BMP3: variants seen among roughly 807,000 people sequenced by gnomAD.
BMP3 encodes the protein bone morphogenetic protein 3 (osteogenic).
In BMP3, 23 loss-of-function variants were observed where a neutral mutation model predicts 38.1. That is an observed-to-expected ratio of 0.60 (90% confidence interval 0.43 to 0.86). The LOEUF is 0.86. Ranked by LOEUF, BMP3 falls within the 40% of genes least tolerant of loss-of-function variation. The probability of loss-of-function intolerance (pLI) is 0.00; values close to 1 mark genes in which losing one functional copy is unlikely to be tolerated. For missense variants in BMP3, 628 were observed against 579.6 expected, an observed-to-expected ratio of 1.08 and a Z score of -0.86; for synonymous variants, 258 against 225.7, an observed-to-expected ratio of 1.14 and a Z score of -1.28.
At chr4:81,051,081 C>T (rs1469046566) in intron 2 of BMP3, among the ~76,000 whole-genome samples, 1 of 151,848 alleles carries the variant, frequency 6.6e-6, no homozygotes, top group East Asian at 1.9e-4. Flanking sequence ...TACACCAATG[C>T]AGAATCAGGG....
rs1305539971 is a variant in BMP3, at chr4:81,045,636, A to G, written c.317-102A>G. 6.9e-6 allele frequency: 7 copies of G among 1,008,350 alleles called. No homozygotes were observed. The East Asian group carries it at 1.9e-4, about 27-fold the overall frequency. 62.5% of individuals were successfully genotyped at this position (1,008,350 alleles called of 1,614,324 possible). A position where few individuals can be genotyped will look rare whatever the true frequency, so the allele number is the denominator to read the frequency against. On this transcript the variant is annotated intron_variant, in intron 1 of 2. Coordinates refer to ENST00000282701, the MANE Select transcript of BMP3 (RefSeq NM_001201.5). ...TTCTTTCCAAAAATTTCATGGATTT[A>G]GTTCTTATATATAGGTTTCTGATTC...
intron 1 of BMP3, among the ~76,000 whole-genome samples, 191 bp from the exon 2 acceptor site, chr4:81,045,547 A>C (rs1190802111): frequency 6.6e-6 from 1 of 152,192 alleles, no homozygotes; most frequent in Non-Finnish European, 1.5e-5. Context: ...TGTCATATCT[A>C]AGAATGGCTT....
In BMP3 at chr4:81,046,771, T is replaced by C. The variant is rs10516737; in HGVS notation, c.1227+123T>C. The C allele has an allele frequency of 0.011, 12,009 of 1,080,868 alleles. 838 individuals are homozygous for C. The African/African-American group carries it at 0.16, about 14-fold the overall frequency. The allele number at this position is 1,080,868 out of a possible 1,614,324, so 67.0% of individuals were successfully genotyped here. On this transcript the variant is annotated intron_variant, in intron 2 of 2. Transcript: ENST00000282701. ...TTTGTGTTTCCATTTGCAAAATCCA[T>C]TGGGACCCTTATTTACTACATTCTA...
Position 81,045,933 on chromosome 4 carries a change from A to G in BMP3, c.512A>G (p.Lys171Arg), listed in dbSNP as rs752114160. 2 of 1,614,084 alleles carry G rather than the reference A, an allele frequency of 1.2e-6. No homozygotes were observed. The highest frequency in any genetic ancestry group is 1.1e-5 in the South Asian group (1 of 91,062). ...IQIDLSAWTL[K>R]FSRNQSQLLG... Reference sequence around the variant, plus strand: ...ATTGATCTTTCTGCATGGACCCTCAAATTCAGCAGAAACCAAAGTCAACTC... The same window carrying G: ...ATTGATCTTTCTGCATGGACCCTCAGATTCAGCAGAAACCAAAGTCAACTC... The change falls in exon 2 of 3, where the codon AAA becomes AGA. Residue 171 changes from lysine to arginine, a missense_variant. Lys to Arg is a conservative substitution (Grantham distance 26, BLOSUM62 2). Transcript: ENST00000282701.
chr4:81,031,491 G>T lies in BMP3; in HGVS notation c.207G>T (p.Thr69=), dbSNP rs1197133447. The T allele has an allele frequency of 1.9e-6, 3 of 1,612,870 alleles. No individual in the cohort carries two copies. The South Asian group carries it at 3.3e-5, about 18-fold the overall frequency. The change falls in exon 1 of 3, where the codon ACG becomes ACT. Residue 69 remains threonine, a synonymous_variant. Coordinates refer to ENST00000282701, the MANE Select transcript of BMP3 (RefSeq NM_001201.5). ...HMLRLYDRYS[T]VQAARTPGSL... is the part of the protein sequence containing the mutation. ...TGCGGCTCTATGACAGGTACAGCAC[G>T]GTCCAGGCGGCCCGGACACCGGGCT...
chr4:81,039,967 T>C (rs1298349649), intron 1 of BMP3, among the ~76,000 whole-genome samples: 1 of 152,076 alleles, frequency 6.6e-6, no homozygotes, highest in African/African-American at 2.4e-5. Context: ...CTGCCTTGCC[T>C]TAAAAAACAA....
At position 81,031,440 on chromosome 4, in the gene BMP3, G is replaced by A. The variant is rs1378061849; in HGVS notation, c.156G>A (p.Pro52=). 1.2e-6 allele frequency: 2 copies of A among 1,613,748 alleles called. No homozygotes were observed. Among genetic ancestry groups the A allele is most frequent in the South Asian group, 2.2e-5 (2 of 90,980 alleles). ...GTGGCCCGGACTCCGAGCTGCAGCC[G>A]CAAGACAAGGTCTCTGAACACATGC... is the stretch of plus-strand genomic sequence containing the variant. The part of the protein sequence containing the change: ...AGGGPDSELQ[P]QDKVSEHMLR... Residue 52 remains proline, a synonymous_variant, in exon 1 of 3, where the codon CCG becomes CCA. Transcript: ENST00000282701.
At chr4:81,045,609 G>T in intron 1 of BMP3, 129 bp from the exon 2 acceptor site, 1 of 740,116 alleles carries the variant, frequency 1.4e-6, no homozygotes, top group Non-Finnish European at 2.0e-6. Context: ...TTACCCCTAG[G>T]TTTCTTTCCA....
chr4:81,031,480 A>G lies in BMP3; in HGVS notation c.196A>G (p.Arg66Gly), dbSNP rs1221180450. The G allele has an allele frequency of 1.2e-6, 2 of 1,613,182 alleles. No individual in the cohort carries two copies. The highest frequency in any genetic ancestry group is 2.7e-5 in the African/African-American group (2 of 74,876). The stretch of plus-strand genomic sequence containing the variant: ...TGAACACATGCTGCGGCTCTATGAC[A>G]GGTACAGCACGGTCCAGGCGGCCCG... ...VSEHMLRLYD[R>G]YSTVQAARTP... The change falls in exon 1 of 3, where the codon AGG (arginine) becomes GGG (glycine). Residue 66 changes from arginine to glycine, a missense_variant. Arg to Gly is a moderately radical substitution (Grantham distance 125). Transcript: ENST00000282701.
chr4:81,048,816 C>T (rs538816091), intron 2 of BMP3, among the ~76,000 whole-genome samples: 1 of 152,168 alleles, frequency 6.6e-6, no homozygotes, highest in Non-Finnish European at 1.5e-5. Context: ...GCAAATTGCC[C>T]TGGATTTAGT....
chr4:81,050,827 C>CA (rs1286636086), intron 2 of BMP3, among the ~76,000 whole-genome samples: 1 of 152,044 alleles, frequency 6.6e-6, no homozygotes, highest in African/African-American at 2.4e-5. Context: ...CACAGATATG[C>CA]ATTAGTAATT....
Position 81,054,658 on chromosome 4 carries a change from A to C in BMP3, c.*1122A>C, listed in dbSNP as rs1208444483. 2 of 152,216 alleles carry C rather than the reference A, an allele frequency of 1.3e-5. No homozygotes were observed. Among genetic ancestry groups the C allele is most frequent in the African/African-American group, 2.4e-5 (1 of 41,454 alleles). The allele number at this position is 152,216 out of a possible 1,614,324, so 9.4% of individuals were successfully genotyped here. A position where few individuals can be genotyped will look rare whatever the true frequency, so the allele number is the denominator to read the frequency against. On this transcript the variant is annotated 3_prime_UTR_variant, in exon 3 of 3. Transcript: ENST00000282701. ...CTTTTGGCTCAGTCACGAAATCTAC[A>C]AGTTAGCAAAGCTTACAAAACATTA...
At chr4:81,041,021 G>A (rs1016799378) in intron 1 of BMP3, among the ~76,000 whole-genome samples, 31 of 152,120 alleles carry the variant, frequency 2.0e-4, no homozygotes, top group African/African-American at 2.9e-4. Flanking sequence ...ATATTCAAAC[G>A]TAGATATTTG....
At chr4:81,052,613 A>C (rs555455956) in intron 2 of BMP3, among the ~76,000 whole-genome samples, 106 of 152,236 alleles carry the variant, frequency 7.0e-4, no homozygotes, top group African/African-American at 2.4e-3. Flanking sequence ...CACTCTTAGA[A>C]CACAACTCCA....
At chr4:81,052,547 A>G (rs1314041332) in intron 2 of BMP3, among the ~76,000 whole-genome samples, 1 of 152,160 alleles carries the variant, frequency 6.6e-6, no homozygotes, top group Non-Finnish European at 1.5e-5. Flanking sequence ...TCTGGTATCC[A>G]TAGGATAACT....
chr4:81,043,512 C>G (rs1486169320), intron 1 of BMP3, among the ~76,000 whole-genome samples: 1 of 150,746 alleles, frequency 6.6e-6, no homozygotes, highest in Admixed American at 6.6e-5. Context: ...TGCAGTATGC[C>G]TTATTTTTTC....
chr4:81,031,284 C>G lies in BMP3; in HGVS notation c.-1C>G. 1 of 1,596,762 alleles carries G rather than the reference C, an allele frequency of 6.3e-7. No individual in the cohort carries two copies. Among genetic ancestry groups the G allele is most frequent in the Non-Finnish European group, 8.5e-7 (1 of 1,171,284 alleles). Reference sequence around the variant, plus strand: ...CCGACGCGCCGCGCGGGTACCTAGCCATGGCTGGGGCGAGCAGGCTGCTCT... The same window carrying G: ...CCGACGCGCCGCGCGGGTACCTAGCGATGGCTGGGGCGAGCAGGCTGCTCT... On this transcript the variant is annotated 5_prime_UTR_variant, in exon 1 of 3. Coordinates refer to ENST00000282701, the MANE Select transcript of BMP3 (RefSeq NM_001201.5).
chr4:81,057,053 G>T lies in BMP3; in HGVS notation c.*3517G>T, dbSNP rs2109917045. 2 of 152,568 alleles carry T rather than the reference G, an allele frequency of 1.3e-5. No individual in the cohort carries two copies. The highest frequency in any genetic ancestry group is 6.8e-3 in the Middle Eastern group (2 of 294). 9.5% of individuals were successfully genotyped at this position (152,568 alleles called of 1,614,324 possible). A position where few individuals can be genotyped will look rare whatever the true frequency, so the allele number is the denominator to read the frequency against. ...TAAATAAGAAATCTTGGGTAAGTTG[G>T]ACTTTTCTGTATAGCTCTTTTTTCC... is the stretch of plus-strand genomic sequence containing the variant. On this transcript the variant is annotated 3_prime_UTR_variant, in exon 3 of 3. Coordinates refer to ENST00000282701, the MANE Select transcript of BMP3 (RefSeq NM_001201.5).
At position 81,035,346 on chromosome 4, in the gene BMP3, G is replaced by GA. The variant is rs150388153; in HGVS notation, c.316+3755dup. Among the ~76,000 whole-genome samples the GA allele has an allele frequency of 1.0e-4, 15 of 150,000 alleles. No homozygotes were observed. In the East Asian group the frequency reaches 1.8e-3, roughly 18 times the overall value. On this transcript the variant is annotated intron_variant, in intron 1 of 2. Transcript: ENST00000282701. ...TGTTTCATTGACCATGGGGGTCAAT[G>GA]AAAAAAAAATCTCCTAAGCAAATAA... is the stretch of plus-strand genomic sequence containing the variant.
Sources: gnomAD v4.1 joint callset for allele counts (sites outside exome capture counted in the v4.1 genomes callset) on GRCh38, gnomAD v4.1.1 for gene constraint, MANE v1.5 for transcripts, NCBI Gene and HGNC (gene_info 2026-07-23, HGNC 2026-07-21) for gene names.